The following PYGL variants were observed in gnomAD, a reference collection of about 807,000 sequenced individuals.
PYGL encodes glycogen phosphorylase, liver form.
A neutral mutation model predicts 100.1 loss-of-function variants in PYGL; 90 were observed. The ratio of observed to expected loss-of-function variants is 0.90; its 90% confidence interval spans 0.76 to 1.07. PYGL has a LOEUF of 1.07. Among genes scored for constraint, PYGL ranks in the 50% least tolerant of loss-of-function variants. The probability of loss-of-function intolerance (pLI) is 0.00; values close to 1 mark genes in which losing one functional copy is unlikely to be tolerated. For synonymous variants in PYGL, 373 were observed against 393.0 expected (o/e 0.95, Z 0.60); for missense variants, 1,016 against 1,057.6 (o/e 0.96, Z 0.55).
intron 13 of PYGL, among the ~76,000 whole-genome samples, chr14:50,912,814 C>T (rs1158800012): frequency 2.6e-5 from 4 of 152,050 alleles, no homozygotes; most frequent in Non-Finnish European, 4.4e-5. Context: ...ATTAGCCGGG[C>T]GTGGTGGCGG....
At chr14:50,936,607 G>A (rs2067895824) in intron 2 of PYGL, among the ~76,000 whole-genome samples, 2 of 152,124 alleles carry the variant, frequency 1.3e-5, no homozygotes, top group African/African-American at 4.8e-5. Context: ...TCAGGAGTTC[G>A]AGACCAGCTT....
chr14:50,931,642 A>G (rs1043941660), intron 4 of PYGL, 31 bp downstream of exon 4: 1 of 1,563,988 alleles, frequency 6.4e-7, no homozygotes, highest in South Asian at 1.1e-5. Context: ...AAGTACCTTA[A>G]TGACAAAATT....
chr14:50,908,101 G>A (rs924645329), intron 19 of PYGL, 170 bp downstream of exon 19: 3 of 445,958 alleles, frequency 6.7e-6, no homozygotes, highest in African/African-American at 2.2e-5. Context: ...AAAAGACAAG[G>A]TTTTTTTTTT....
chr14:50,907,387 T>G (rs1183172951), intron 19 of PYGL, among the ~76,000 whole-genome samples: 1 of 152,200 alleles, frequency 6.6e-6, no homozygotes, highest in Non-Finnish European at 1.5e-5. Flanking sequence ...AAAAACCATG[T>G]TTTAGCCTTA....
At chr14:50,924,838 G>A (rs1297221475) in intron 4 of PYGL, among the ~76,000 whole-genome samples, 1 of 151,916 alleles carries the variant, frequency 6.6e-6, no homozygotes, top group African/African-American at 2.4e-5. Context: ...TTTAAACTAT[G>A]GTTTCTATTT....
At position 50,937,823 on chromosome 14, in the gene PYGL, G is replaced by C; in HGVS notation, c.258C>G (p.Leu86=). The C allele has an allele frequency of 6.2e-7, 1 of 1,612,238 alleles. No homozygotes were observed. The highest frequency in any genetic ancestry group is 8.5e-7 in the Non-Finnish European group (1 of 1,178,292). ...TTCGGCCCATGTAAAATTCCAGAGA[G>C]AGGTAATATACCCTCTGAAATAAAG... ...YDKCPKRVYY[L]SLEFYMGRTL... is the part of the protein sequence containing the mutation. Residue 86 remains leucine, a synonymous_variant, in exon 2 of 20, where the codon CTC becomes CTG. Coordinates refer to ENST00000216392, the MANE Select transcript of PYGL (RefSeq NM_002863.5).
Position 50,912,315 on chromosome 14 carries a change from G to A in PYGL, c.1621-12C>T. On this transcript the variant is annotated splice_polypyrimidine_tract_variant and intron_variant, in intron 13 of 19. Transcript: ENST00000216392. The stretch of plus-strand genomic sequence containing the variant: ...TTCAGCTTATTCTCCTGTTAAGACA[G>A]TGCATGGTGCCAGAGCTCTTTTGGC... The A allele has an allele frequency of 6.2e-7, 1 of 1,613,440 alleles. No individual in the cohort carries two copies. Among genetic ancestry groups the A allele is most frequent in the African/African-American group, 1.3e-5 (1 of 75,060 alleles).
At chr14:50,912,877 C>A in intron 13 of PYGL, 152 bp downstream of exon 13, 1 of 668,282 alleles carries the variant, frequency 1.5e-6, no homozygotes, top group South Asian at 1.7e-5. Flanking sequence ...TCGCTTGAAC[C>A]TGGGAGGCGG....
In PYGL at chr14:50,914,756, G is replaced by A; in HGVS notation, c.1463C>T (p.Thr488Ile). 6.2e-7 allele frequency: 1 copy of A among 1,614,086 alleles called. No homozygotes were observed. The highest frequency in any genetic ancestry group is 8.5e-7 in the Non-Finnish European group (1 of 1,179,980). The part of the protein sequence containing the change: ...DKFQNKTNGI[T>I]PRRWLLLCNP... ...GCAGAGTAGGAGCCAGCGCCTTGGA[G>A]TGATCCCATTGGTTTTATTCTGAAA... The change falls in exon 12 of 20, where the codon ACT (threonine) becomes ATT (isoleucine). Residue 488 changes from threonine (T) to isoleucine (I), a missense_variant. Coordinates refer to ENST00000216392, the MANE Select transcript of PYGL (RefSeq NM_002863.5).
chr14:50,913,625 C>T (rs1013978056), intron 12 of PYGL, among the ~76,000 whole-genome samples: 4 of 152,092 alleles, frequency 2.6e-5, no homozygotes, highest in Non-Finnish European at 5.9e-5. Flanking sequence ...CTGCCCTCCT[C>T]GGCCTCCCAA....
intron 4 of PYGL, among the ~76,000 whole-genome samples, chr14:50,930,366 T>C (rs1385933963): frequency 6.6e-6 from 1 of 152,222 alleles, no homozygotes; most frequent in African/African-American, 2.4e-5. Flanking sequence ...GCATACCTCA[T>C]AAAAGTAATC....
At chr14:50,915,135 G>T in intron 11 of PYGL, 1 of 718,104 alleles carries the variant, frequency 1.4e-6, no homozygotes, top group Non-Finnish European at 2.3e-6. Context: ...CTAGAATTAA[G>T]ATGGCTCTGA....
chr14:50,905,308 A>C lies in PYGL; in HGVS notation c.*84T>G. 1 of 1,359,980 alleles carries C rather than the reference A, an allele frequency of 7.4e-7. No homozygotes were observed. Among genetic ancestry groups the C allele is most frequent in the Non-Finnish European group, 1.0e-6 (1 of 954,018 alleles). The allele number at this position is 1,359,980 out of a possible 1,614,324, so 84.2% of individuals were successfully genotyped here. ...AGATACTCAACTATTATAGATTATT[A>C]GCTAACAAAACAAAAACCAGTGAAT... On this transcript the variant is annotated 3_prime_UTR_variant, in exon 20 of 20. Transcript: ENST00000216392.
chr14:50,935,267 G>A, intron 2 of PYGL, 82 bp from the exon 3 acceptor site: 1 of 1,135,432 alleles, frequency 8.8e-7, no homozygotes, highest in Non-Finnish European at 1.3e-6. Flanking sequence ...ACAGCTCTGG[G>A]TAAAGGTATT....
Position 50,912,317 on chromosome 14 carries a change from G to C in PYGL, c.1621-14C>G, listed in dbSNP as rs763831251. On this transcript the variant is annotated splice_polypyrimidine_tract_variant and intron_variant, in intron 13 of 19. Coordinates refer to ENST00000216392, the MANE Select transcript of PYGL (RefSeq NM_002863.5). ...CAGCTTATTCTCCTGTTAAGACAGT[G>C]CATGGTGCCAGAGCTCTTTTGGCCT... The C allele has an allele frequency of 1.9e-6, 3 of 1,613,264 alleles. No homozygotes were observed. In the South Asian group the frequency reaches 3.3e-5, roughly 18 times the overall value.
intron 12 of PYGL, among the ~76,000 whole-genome samples, chr14:50,914,496 C>CAATAATAAAAT (rs141988011): frequency 2.0e-5 from 3 of 148,484 alleles, no homozygotes; most frequent in African/African-American, 7.5e-5. Flanking sequence ...AACTCTGTCT[C>CAATAATAAAAT]AATAATAATA....
intron 5 of PYGL, among the ~76,000 whole-genome samples, chr14:50,921,920 C>A (rs1262456702): frequency 6.6e-6 from 1 of 152,100 alleles, no homozygotes; most frequent in East Asian, 1.9e-4. Flanking sequence ...TTTAAAGTTG[C>A]ATAAGGAGTT....
rs892699034 is a variant in PYGL, at chr14:50,942,393, G to A, written c.243+1768C>T. Among the ~76,000 whole-genome samples, 8 of 140,340 alleles carry A rather than the reference G, an allele frequency of 5.7e-5. 1 individual carries two copies. The highest frequency in any genetic ancestry group is 2.0e-4 in the African/African-American group (8 of 40,432). The allele number at this position is 140,340 out of a possible 152,430, so 92.1% of individuals were successfully genotyped here. A position where few individuals can be genotyped will look rare whatever the true frequency, so the allele number is the denominator to read the frequency against. ...TCTCTGGTGCTCTATGATGCTAAAT[G>A]CTACAGAGGCGTGAGTGTGTGTTTC... On this transcript the variant is annotated intron_variant, in intron 1 of 19. Transcript: ENST00000216392.
At chr14:50,921,818 T>C (rs1406390264) in intron 5 of PYGL, among the ~76,000 whole-genome samples, 1 of 152,256 alleles carries the variant, frequency 6.6e-6, no homozygotes, top group Non-Finnish European at 1.5e-5. Context: ...GGTTTTTCAG[T>C]GATCTGATTT....
Sources: gnomAD v4.1 joint callset for allele counts (sites outside exome capture counted in the v4.1 genomes callset) on GRCh38, gnomAD v4.1.1 for gene constraint, MANE v1.5 for transcripts, NCBI Gene and HGNC (gene_info 2026-07-23, HGNC 2026-07-21) for gene names.